Variants in ST3GAL1 observed in about 807,000 individuals in gnomAD.
ST3GAL1 encodes the protein CMP-N-acetylneuraminate-beta-galactosamide-alpha-2,3-sialyltransferase 1.
A neutral mutation model predicts 34.1 loss-of-function variants in ST3GAL1; 16 were observed. That is an observed-to-expected ratio of 0.47 (90% CI 0.32 to 0.71). The LOEUF (loss-of-function observed/expected upper bound fraction) is 0.71. ST3GAL1 is among the 30% of genes least tolerant of loss of function. The pLI is 0.04. For missense variants in ST3GAL1, 353 were observed against 447.4 expected, an observed-to-expected ratio of 0.79 and a Z score of 1.90; for synonymous variants, 191 against 184.7, an observed-to-expected ratio of 1.03 and a Z score of -0.28.
intron 1 of ST3GAL1, among the ~76,000 whole-genome samples, chr8:133,547,712 T>C (rs996520041): frequency 8.5e-5 from 13 of 152,226 alleles, no homozygotes; most frequent in Non-Finnish European, 1.0e-4. Flanking sequence ...TGTCTGTTTG[T>C]AGGCACTGGG....
chr8:133,473,506 T>A (rs1426894095), intron 5 of ST3GAL1, among the ~76,000 whole-genome samples: 7 of 152,138 alleles, frequency 4.6e-5, no homozygotes, highest in Non-Finnish European at 1.0e-4. Flanking sequence ...ACACTGAACA[T>A]CACAGACTCC....
intron 8 of ST3GAL1, among the ~76,000 whole-genome samples, chr8:133,462,697 C>G (rs1815557531): frequency 6.6e-6 from 1 of 152,160 alleles, no homozygotes; most frequent in Non-Finnish European, 1.5e-5. Context: ...CTCTGGTAAA[C>G]CATTCACCTC....
intron 1 of ST3GAL1, among the ~76,000 whole-genome samples, chr8:133,568,460 T>C (rs374275445): frequency 1.6e-4 from 24 of 152,340 alleles, no homozygotes; most frequent in East Asian, 7.7e-4. Context: ...CTAAGTCTTA[T>C]TCTAGAATTC....
In ST3GAL1 at chr8:133,556,019, G is replaced by A. The variant is rs772647099; in HGVS notation, c.-581-10093C>T. Among the ~76,000 whole-genome samples the A allele has an allele frequency of 5.3e-5, 8 of 152,062 alleles. No individual in the cohort carries two copies. Among genetic ancestry groups the A allele is most frequent in the East Asian group, 3.9e-4 (2 of 5,182 alleles). On this transcript the variant is annotated intron_variant, in intron 1 of 9. Coordinates refer to ENST00000522652, the MANE Select transcript of ST3GAL1 (RefSeq NM_173344.3). The surrounding 1 kb of genome is among the most constrained non-coding windows in gnomAD (Gnocchi z 8.9). The stretch of plus-strand genomic sequence containing the variant: ...AGCAATTCTCGTGCCTCAGCCTCCC[G>A]CGTAGCTGGGATTACAGGCACCTGC...
intron 3 of ST3GAL1, chr8:133,488,290 G>A (rs1394280512): frequency 6.6e-6 from 1 of 152,222 alleles, no homozygotes; most frequent in Non-Finnish European, 1.5e-5. Context: ...GAGTCCAGTA[G>A]TTTGGTCAGA....
At chr8:133,499,354 G>C (rs75234441) in intron 2 of ST3GAL1, 165 bp from the exon 3 acceptor site, 2,774 of 152,290 alleles carry the variant, frequency 0.018, 125 homozygotes, top group East Asian at 0.16. Flanking sequence ...GGAGAGAAGA[G>C]AGTCACCTAA....
intron 2 of ST3GAL1, among the ~76,000 whole-genome samples, chr8:133,516,972 A>G (rs1304439037): frequency 6.6e-6 from 1 of 152,228 alleles, no homozygotes; most frequent in East Asian, 1.9e-4. Flanking sequence ...GGGTGAACAT[A>G]TTAGTTCAGC....
chr8:133,471,570 G>A (rs1815963837), intron 5 of ST3GAL1, among the ~76,000 whole-genome samples: 1 of 152,224 alleles, frequency 6.6e-6, no homozygotes, highest in Non-Finnish European at 1.5e-5. Context: ...CAGAGGTGAA[G>A]TGAGTTTCCC....
chr8:133,514,720 G>T (rs572586574), intron 2 of ST3GAL1, among the ~76,000 whole-genome samples: 39 of 152,300 alleles, frequency 2.6e-4, no homozygotes, highest in African/African-American at 7.9e-4. Flanking sequence ...CAAGGAAGGA[G>T]GTGTTCTGCA....
chr8:133,484,472 TC>T lies in ST3GAL1; in HGVS notation c.-373-7873del, dbSNP rs143611351. 1.9e-3 allele frequency among the ~76,000 whole-genome samples: 283 copies of T among 152,300 alleles called. 1 individual carries two copies. The highest frequency in any genetic ancestry group is 6.5e-3 in the African/African-American group (272 of 41,556). ...GCCAACTTGGACCAGGTCTTTTGTATCTTTGGGATCAATGTCTAAACGTTTC... is the reference window on the plus strand; with the variant it reads ...GCCAACTTGGACCAGGTCTTTTGTATTTTGGGATCAATGTCTAAACGTTTC... On this transcript the variant is annotated intron_variant, in intron 3 of 9. Transcript: ENST00000522652.
chr8:133,541,082 C>CATATATATATAT (rs1172519181), intron 2 of ST3GAL1, among the ~76,000 whole-genome samples: 1 of 48,714 alleles, frequency 2.1e-5, no homozygotes, highest in African/African-American at 8.4e-5. Context: ...TATATATAGA[C>CATATATATATAT]ATATATATAT....
At chr8:133,510,716 C>T (rs527570542) in intron 2 of ST3GAL1, among the ~76,000 whole-genome samples, 1 of 152,142 alleles carries the variant, frequency 6.6e-6, no homozygotes, top group Admixed American at 6.5e-5. Context: ...TGCACCAGCC[C>T]AATTTCAAGT....
rs1013409741 is a variant in ST3GAL1, at chr8:133,556,706, T to A, written c.-581-10780A>T. ...AAGAAAACTATTAGCCATGGAAACC[T>A]TGCACCCAAGGACACGGCTGACATC... On this transcript the variant is annotated intron_variant, in intron 1 of 9. Transcript: ENST00000522652. This position sits in a 1 kb window ranked among gnomAD's most constrained non-coding sequence, Gnocchi z 8.9. Among the ~76,000 whole-genome samples the A allele has an allele frequency of 6.6e-6, 1 of 152,140 alleles. No homozygotes were observed. The highest frequency in any genetic ancestry group is 1.5e-5 in the Non-Finnish European group (1 of 68,010).
At chr8:133,504,690 T>G (rs1156627242) in intron 2 of ST3GAL1, among the ~76,000 whole-genome samples, 2 of 152,128 alleles carry the variant, frequency 1.3e-5, no homozygotes, top group Non-Finnish European at 2.9e-5. Flanking sequence ...AGATAGGACC[T>G]TCTATGGTCG....
chr8:133,465,657 C>G (rs996895970), intron 6 of ST3GAL1: 2 of 425,658 alleles, frequency 4.7e-6, no homozygotes, highest in Non-Finnish European at 8.2e-6. Flanking sequence ...CGGGGGACCT[C>G]CCGTGTATGG....
chr8:133,533,467 A>G (rs145807292), intron 2 of ST3GAL1, among the ~76,000 whole-genome samples: 1 of 152,278 alleles, frequency 6.6e-6, no homozygotes, highest in Non-Finnish European at 1.5e-5. Flanking sequence ...AAGAAATGAG[A>G]GCCATGAGAA....
intron 2 of ST3GAL1, among the ~76,000 whole-genome samples, chr8:133,503,782 C>T (rs187997912): frequency 1.0e-3 from 158 of 152,080 alleles, no homozygotes; most frequent in African/African-American, 3.5e-3. Flanking sequence ...AATAACTGAA[C>T]GAGAGTGGAG....
chr8:133,535,499 A>AT (rs1818282862), intron 2 of ST3GAL1, among the ~76,000 whole-genome samples: 2 of 143,498 alleles, frequency 1.4e-5, no homozygotes, highest in South Asian at 4.2e-4. Context: ...TTCCATTGGC[A>AT]TTTTTTAGCA....
chr8:133,530,590 C>T (rs1283245792), intron 2 of ST3GAL1, among the ~76,000 whole-genome samples: 1 of 152,132 alleles, frequency 6.6e-6, no homozygotes, highest in African/African-American at 2.4e-5. Flanking sequence ...GTCCCTGATG[C>T]CTTCTTAGCA....
Sources: gnomAD v4.1 joint callset for allele counts (sites outside exome capture counted in the v4.1 genomes callset) on GRCh38, gnomAD v4.1.1 for gene constraint, Gnocchi (gnomAD v3.1) non-coding constraint, MANE v1.5 for transcripts, NCBI Gene and HGNC (gene_info 2026-07-23, HGNC 2026-07-21) for gene names.